The following COL23A1 variants were observed in gnomAD, a reference collection of about 807,000 sequenced individuals.
The protein encoded by COL23A1 is collagen alpha-1(XXIII) chain.
A neutral mutation model predicts 99.3 loss-of-function variants in COL23A1; 97 were observed. The ratio of observed to expected loss-of-function variants is 0.98; its 90% CI spans 0.83 to 1.16. The LOEUF is 1.16. Among genes scored for constraint, COL23A1 ranks in the 50% most tolerant of loss-of-function variants. The pLI, the probability that COL23A1 is intolerant of heterozygous loss-of-function variation, is 0.00. For missense variants in COL23A1, 762 were observed against 757.4 expected, an observed-to-expected ratio of 1.01 and a Z score of -0.07; for synonymous variants, 320 against 308.2, an observed-to-expected ratio of 1.04 and a Z score of -0.40.
chr5:178,482,829 G>A (rs575709916), intron 2 of COL23A1, among the ~76,000 whole-genome samples: 2 of 152,188 alleles, frequency 1.3e-5, no homozygotes, highest in Admixed American at 1.3e-4. Context: ...GTGAGCCTGG[G>A]AGGCAGAGCT....
intron 2 of COL23A1, among the ~76,000 whole-genome samples, chr5:178,324,240 A>G (rs1055120959): frequency 2.0e-5 from 3 of 152,092 alleles, no homozygotes; most frequent in Non-Finnish European, 4.4e-5. Flanking sequence ...TGCATTTTCA[A>G]CAAGTTCACA....
In COL23A1 at chr5:178,517,664, C is replaced by T. The variant is rs1254173929; in HGVS notation, c.361+43018G>A. Among the ~76,000 whole-genome samples, 7 of 148,526 alleles carry T rather than the reference C, an allele frequency of 4.7e-5. No homozygotes were observed. The South Asian group carries it at 6.4e-4, about 14-fold the overall frequency. ...GCAACCTCCAACTCCCTGGTTCAAG[C>T]GATCCTTCTGCCTCAGCCTCCCAAG... On this transcript the variant is annotated intron_variant, in intron 2 of 28. Transcript: ENST00000390654.
chr5:178,322,526 G>C lies in COL23A1; in HGVS notation c.362-15607C>G, dbSNP rs73804790. ...CCAAAGGGGAAAGATCTGGATTTGC[G>C]CGCTGCTTCTGTGAGTGTGACCTGG... On this transcript the variant is annotated intron_variant, in intron 2 of 28. Coordinates refer to ENST00000390654, the MANE Select transcript of COL23A1 (RefSeq NM_173465.4). Among the ~76,000 whole-genome samples the C allele has an allele frequency of 1.1e-3, 172 of 152,296 alleles. 1 individual carries two copies. The highest frequency in any genetic ancestry group is 2.3e-3 in the Admixed American group (35 of 15,308).
intron 2 of COL23A1, among the ~76,000 whole-genome samples, chr5:178,426,728 G>T (rs1342287509): frequency 1.3e-5 from 2 of 152,194 alleles, no homozygotes; most frequent in South Asian, 2.1e-4. Context: ...ATCTGATAAA[G>T]GACTGTTATC....
In COL23A1 at chr5:178,489,673, G is replaced by A. The variant is rs145234525; in HGVS notation, c.361+71009C>T. On this transcript the variant is annotated intron_variant, in intron 2 of 28. Coordinates refer to ENST00000390654, the MANE Select transcript of COL23A1 (RefSeq NM_173465.4). ...CTAGGAAGTCGGGAGGGTGGGAGGT[G>A]CAGCAGATGCAGCCACCGGGCACCA... Among the ~76,000 whole-genome samples the A allele has an allele frequency of 1.6e-3, 251 of 152,284 alleles. 2 individuals are homozygous for A. Among genetic ancestry groups the A allele is most frequent in the African/African-American group, 5.7e-3 (235 of 41,562 alleles).
intron 2 of COL23A1, among the ~76,000 whole-genome samples, chr5:178,530,993 A>C (rs772585432): frequency 2.0e-5 from 3 of 152,030 alleles, no homozygotes; most frequent in Non-Finnish European, 4.4e-5. Flanking sequence ...TCAGCCTCCC[A>C]AGTAGCTGGG....
At chr5:178,337,016 C>G (rs536620860) in intron 2 of COL23A1, among the ~76,000 whole-genome samples, 2 of 152,204 alleles carry the variant, frequency 1.3e-5, no homozygotes, top group East Asian at 3.9e-4. Flanking sequence ...CTGCTCAGAG[C>G]GGCGGAAACA....
chr5:178,330,345 C>T (rs1759945263), intron 2 of COL23A1, among the ~76,000 whole-genome samples: 1 of 152,228 alleles, frequency 6.6e-6, no homozygotes, highest in South Asian at 2.1e-4. Context: ...TCTGAAGCCT[C>T]CCTCTGCACA....
intron 2 of COL23A1, among the ~76,000 whole-genome samples, chr5:178,500,366 T>A (rs981440396): frequency 7.6e-6 from 1 of 132,348 alleles, no homozygotes; most frequent in Non-Finnish European, 1.5e-5. Context: ...GGCGGGAGGG[T>A]CACTTAAGGC....
intron 2 of COL23A1, among the ~76,000 whole-genome samples, chr5:178,545,665 T>C (rs530835396): frequency 4.6e-5 from 7 of 152,250 alleles, no homozygotes; most frequent in African/African-American, 1.7e-4. Flanking sequence ...TGAGGGATTC[T>C]GGCCCCAAGT....
intron 2 of COL23A1, among the ~76,000 whole-genome samples, chr5:178,454,269 T>C (rs1022837940): frequency 1.3e-5 from 2 of 148,384 alleles, no homozygotes; most frequent in South Asian, 2.3e-4. Flanking sequence ...AAAAAGCTCA[T>C]AGAGTACTTC....
chr5:178,440,116 A>C (rs1766780485), intron 2 of COL23A1: 1 of 152,154 alleles, frequency 6.6e-6, no homozygotes, highest in South Asian at 2.1e-4. Flanking sequence ...ATTTACTAAA[A>C]ATCATGGCCC....
chr5:178,263,175 T>C, intron 9 of COL23A1, 33 bp downstream of exon 9: 1 of 1,510,018 alleles, frequency 6.6e-7, no homozygotes, highest in Non-Finnish European at 9.2e-7. Flanking sequence ...TTTGGTCAAG[T>C]CCTGCGTGGC....
chr5:178,268,667 G>A, intron 7 of COL23A1, 63 bp downstream of exon 7: 3 of 1,559,880 alleles, frequency 1.9e-6, no homozygotes, highest in Non-Finnish European at 2.6e-6. Flanking sequence ...CTGGCGTTCG[G>A]AGGCAGGTTT....
intron 2 of COL23A1, among the ~76,000 whole-genome samples, chr5:178,509,852 G>T (rs2127993386): frequency 6.6e-6 from 1 of 152,326 alleles, no homozygotes; most frequent in South Asian, 2.1e-4. Context: ...CAGCTTGTCT[G>T]CTTTCTCTTC....
At position 178,307,343 on chromosome 5, in the gene COL23A1, A is replaced by G. The variant is rs1486944958; in HGVS notation, c.362-424T>C. ...ACAAACGCTGCTTCATATTCACTAA[A>G]GTAAAACAACAAAGCCAACACAACA... is the stretch of plus-strand genomic sequence containing the variant. On this transcript the variant is annotated intron_variant, in intron 2 of 28. Transcript: ENST00000390654. This position sits in a 1 kb window ranked among gnomAD's most constrained non-coding sequence, Gnocchi z 4.2. 6.6e-6 allele frequency among the ~76,000 whole-genome samples: 1 copy of G among 152,226 alleles called. No homozygotes were observed. Among genetic ancestry groups the G allele is most frequent in the African/African-American group, 2.4e-5 (1 of 41,460 alleles).
At chr5:178,336,553 C>A (rs1760329783) in intron 2 of COL23A1, among the ~76,000 whole-genome samples, 1 of 152,224 alleles carries the variant, frequency 6.6e-6, no homozygotes, top group Non-Finnish European at 1.5e-5. Context: ...AGAGATAGCA[C>A]AGACTGGTGG....
intron 1 of COL23A1, among the ~76,000 whole-genome samples, chr5:178,586,578 A>G (rs1385918239): frequency 6.6e-6 from 1 of 150,734 alleles, no homozygotes; most frequent in Non-Finnish European, 1.5e-5. Context: ...ACATGCTACT[A>G]TTATTATAAA....
intron 2 of COL23A1, among the ~76,000 whole-genome samples, chr5:178,530,632 T>C (rs1373860666): frequency 6.6e-6 from 1 of 151,970 alleles, no homozygotes; most frequent in Non-Finnish European, 1.5e-5. Flanking sequence ...CAGTGGCTAA[T>C]TTGTGAGGAG....
Sources: gnomAD v4.1 joint callset for allele counts (sites outside exome capture counted in the v4.1 genomes callset) on GRCh38, gnomAD v4.1.1 for gene constraint, Gnocchi (gnomAD v3.1) non-coding constraint, MANE v1.5 for transcripts, NCBI Gene and HGNC (gene_info 2026-07-23, HGNC 2026-07-21) for gene names.